HERC1: variants seen among roughly 807,000 people sequenced by gnomAD.
The protein encoded by HERC1 is HECT and RLD domain containing E3 ubiquitin protein ligase family member 1.
A neutral mutation model predicts 554.3 loss-of-function variants in HERC1; 160 were observed. The ratio of observed to expected loss-of-function variants is 0.29; its 90% confidence interval spans 0.25 to 0.33. HERC1 has a LOEUF of 0.33. Ranked by LOEUF, HERC1 falls within the 10% of genes least tolerant of loss-of-function variation. HERC1 has a pLI of 1.00. For synonymous variants in HERC1, 2,175 were observed against 2,131.7 expected (o/e 1.02, Z -0.56); for missense variants, 4,919 against 5,918.5 (o/e 0.83, Z 5.54).
Position 63,754,696 on chromosome 15 carries a change from T to C in HERC1, c.1631-48A>G, listed in dbSNP as rs527950707. ...ACAAAGAAACAACATTAACTCTTTTTCTCTAGGCCTTGACTTCACAAGTAT... is the reference window on the plus strand; with the variant it reads ...ACAAAGAAACAACATTAACTCTTTTCCTCTAGGCCTTGACTTCACAAGTAT... On this transcript the variant is annotated intron_variant, in intron 6 of 77. Transcript: ENST00000443617. 230 of 1,554,032 alleles carry C rather than the reference T, an allele frequency of 1.5e-4. 3 individuals are homozygous for C. The South Asian group carries it at 2.2e-3, about 15-fold the overall frequency.
intron 40 of HERC1, 35 bp downstream of exon 40, chr15:63,669,503 A>G: frequency 1.3e-6 from 2 of 1,599,896 alleles, no homozygotes; most frequent in Non-Finnish European, 1.7e-6. Flanking sequence ...TGGAATGCCA[A>G]CTTTGGATAT....
intron 6 of HERC1, 51 bp downstream of exon 6, chr15:63,755,178 A>T: frequency 8.0e-7 from 1 of 1,253,918 alleles, no homozygotes; most frequent in Non-Finnish European, 1.2e-6. Context: ...TCAGTAACTT[A>T]ATCATTTCTA....
At chr15:63,790,510 G>A (rs1236292959) in intron 1 of HERC1, among the ~76,000 whole-genome samples, 2 of 151,990 alleles carry the variant, frequency 1.3e-5, no homozygotes, top group Non-Finnish European at 1.5e-5. Flanking sequence ...CCAGGGAGGC[G>A]GAGCTTGCAG....
In HERC1 at chr15:63,752,862, T is replaced by G. The variant is rs750222893; in HGVS notation, c.1902+96A>C. 3 of 1,166,530 alleles carry G rather than the reference T, an allele frequency of 2.6e-6. No individual in the cohort carries two copies. The South Asian group carries it at 4.8e-5, about 19-fold the overall frequency. 72.3% of individuals were successfully genotyped at this position (1,166,530 alleles called of 1,614,324 possible). ...TTTAGCATGTTGCCTAAAAATGTAT[T>G]TATTTGAACTTTAAAATTTAAATAC... On this transcript the variant is annotated intron_variant, in intron 8 of 77. Transcript: ENST00000443617.
intron 10 of HERC1, among the ~76,000 whole-genome samples, chr15:63,748,187 C>G (rs2075124894): frequency 6.6e-6 from 1 of 152,186 alleles, no homozygotes. Flanking sequence ...GACTGTATCA[C>G]TGCACTCCAG....
chr15:63,767,012 T>C (rs1445253487), intron 2 of HERC1, among the ~76,000 whole-genome samples: 1 of 149,624 alleles, frequency 6.7e-6, no homozygotes, highest in South Asian at 2.1e-4. Flanking sequence ...CATTTGTTTT[T>C]TTTTTTTGAA....
rs558964738 is a variant in HERC1 at position 63,694,564 on chromosome 15, G to C, written c.5243-15C>G. 5.7e-5 allele frequency: 92 copies of C among 1,600,214 alleles called. No homozygotes were observed. The Middle Eastern group carries it at 6.6e-4, about 11-fold the overall frequency. On this transcript the variant is annotated splice_polypyrimidine_tract_variant and intron_variant, in intron 28 of 77. Transcript: ENST00000443617. This position sits in a 1 kb window ranked among gnomAD's most constrained non-coding sequence, Gnocchi z 4.3. ...TTGCTGGGCTTCTAAAAGACAAAGA[G>C]ACAGTTAAGAATCTTCCTTTCAGTA...
intron 12 of HERC1, among the ~76,000 whole-genome samples, chr15:63,736,316 A>G (rs1292171657): frequency 1.3e-5 from 2 of 152,198 alleles, no homozygotes; most frequent in African/African-American, 4.8e-5. Flanking sequence ...GGAATACCAA[A>G]CTAAAATTGG....
intron 74 of HERC1, among the ~76,000 whole-genome samples, chr15:63,619,778 G>C (rs985588481): frequency 1.3e-5 from 2 of 152,106 alleles, no homozygotes; most frequent in Non-Finnish European, 2.9e-5. Flanking sequence ...TAGTTTATTT[G>C]CATAGAGGTG....
chr15:63,654,677 A>AC (rs1175120761), intron 50 of HERC1, among the ~76,000 whole-genome samples: 4 of 145,038 alleles, frequency 2.8e-5, no homozygotes, highest in Non-Finnish European at 4.6e-5. Flanking sequence ...ACATGGTGAA[A>AC]CCCCCATCTC....
chr15:63,694,115 C>T lies in HERC1; in HGVS notation c.5523G>A (p.Leu1841=). Residue 1841 remains leucine, a synonymous_variant, in exon 30 of 78, where the codon TTG becomes TTA. Coordinates refer to ENST00000443617, the MANE Select transcript of HERC1 (RefSeq NM_003922.4). The surrounding 1 kb of genome is among the most constrained non-coding windows in gnomAD (Gnocchi z 4.3). ...DKLSPKVVQS[L]LDLLCSQLKN... ...TCAACTGACTACAGAGTAGATCCAA[C>T]AAGGATTGAACTACTTTGGGACTCA... 1 of 1,609,916 alleles carries T rather than the reference C, an allele frequency of 6.2e-7. No homozygotes were observed. Among genetic ancestry groups the T allele is most frequent in the South Asian group, 1.1e-5 (1 of 90,104 alleles).
In HERC1 at chr15:63,609,015, T is replaced by A; in HGVS notation, c.*66A>T. 1 of 1,407,848 alleles carries A rather than the reference T, an allele frequency of 7.1e-7. No individual in the cohort carries two copies. Among genetic ancestry groups the A allele is most frequent in the Non-Finnish European group, 9.7e-7 (1 of 1,028,488 alleles). 87.2% of individuals were successfully genotyped at this position (1,407,848 alleles called of 1,614,324 possible). ...CATCTATGTAGTTACCATAAAAGTA[T>A]ATCAACATCAAATCAGAAGTGAGCA... On this transcript the variant is annotated 3_prime_UTR_variant, in exon 78 of 78. Transcript: ENST00000443617.
chr15:63,808,768 T>C (rs893522223), intron 1 of HERC1, among the ~76,000 whole-genome samples: 7 of 152,138 alleles, frequency 4.6e-5, no homozygotes, highest in African/African-American at 1.7e-4. Context: ...AAGCAGACAC[T>C]AGATGTCAAC....
Position 63,612,586 on chromosome 15 carries a change from G to C in HERC1, c.14095-30C>G. ...TCCCGGGAGAGGTTGCTCATTCAATGAGTGTGCGTGAACCTGGCACCCACC... is the reference window on the plus strand; with the variant it reads ...TCCCGGGAGAGGTTGCTCATTCAATCAGTGTGCGTGAACCTGGCACCCACC... On this transcript the variant is annotated intron_variant, in intron 76 of 77. Coordinates refer to ENST00000443617, the MANE Select transcript of HERC1 (RefSeq NM_003922.4). The surrounding 1 kb of genome is among the most constrained non-coding windows in gnomAD (Gnocchi z 5.0). 6.3e-7 allele frequency: 1 copy of C among 1,593,646 alleles called. No individual in the cohort carries two copies. Among genetic ancestry groups the C allele is most frequent in the East Asian group, 2.2e-5 (1 of 44,730 alleles).
chr15:63,645,065 C>T lies in HERC1; in HGVS notation c.11111G>A (p.Arg3704His), dbSNP rs187677295. 4.2e-5 allele frequency: 67 copies of T among 1,613,710 alleles called. No homozygotes were observed. The highest frequency in any genetic ancestry group is 5.0e-5 in the Admixed American group (3 of 60,014). Residue 3704 changes from arginine to histidine, a missense_variant, in exon 57 of 78, where the codon CGC (arginine) becomes CAC (histidine). Physicochemically the swap from Arg to His is conservative, Grantham distance 29. Around this residue, in one of 11 missense-constraint regions of HERC1, gnomAD observed 1,963 missense variants for 2,228.6 expected, o/e 0.88. Coordinates refer to ENST00000443617, the MANE Select transcript of HERC1 (RefSeq NM_003922.4). ...GGTCTGTGTAGTATCTTGAGGAATG[C>T]GCCAAACACATACTAAGCCACTCTG... is the stretch of plus-strand genomic sequence containing the variant. ...GCQSGLVCVW[R>H]IPQDTTQTNV... is the part of the protein sequence containing the mutation.
At chr15:63,682,878 G>A (rs1182604652) in intron 34 of HERC1, among the ~76,000 whole-genome samples, 1 of 151,830 alleles carries the variant, frequency 6.6e-6, no homozygotes. Context: ...GCTCATGCCT[G>A]TTATTTCAGC....
At chr15:63,627,099 T>C (rs1366014415) in intron 70 of HERC1, among the ~76,000 whole-genome samples, 1 of 152,144 alleles carries the variant, frequency 6.6e-6, no homozygotes, top group Non-Finnish European at 1.5e-5. Flanking sequence ...CTGAAGCCAC[T>C]GAGTACCTGA....
Position 63,644,738 on chromosome 15 carries a change from A to G in HERC1, c.11184+254T>C, listed in dbSNP as rs541737506. Among the ~76,000 whole-genome samples the G allele has an allele frequency of 2.6e-5, 4 of 152,348 alleles. No individual in the cohort carries two copies. The South Asian group carries it at 6.2e-4, about 24-fold the overall frequency. ...AACAACTTATGACTCGTCTATCTGTAGTATCAATTATATCCACTATCACAG... is the reference window on the plus strand; with the variant it reads ...AACAACTTATGACTCGTCTATCTGTGGTATCAATTATATCCACTATCACAG... On this transcript the variant is annotated intron_variant, in intron 57 of 77. Coordinates refer to ENST00000443617, the MANE Select transcript of HERC1 (RefSeq NM_003922.4).
intron 40 of HERC1, among the ~76,000 whole-genome samples, chr15:63,667,139 A>G (rs2070684649): frequency 1.3e-5 from 2 of 152,206 alleles, no homozygotes; most frequent in African/African-American, 4.8e-5. Context: ...ATGTTAGTGA[A>G]TAAACAGTAT....
Sources: gnomAD v4.1 joint callset for allele counts (sites outside exome capture counted in the v4.1 genomes callset) on GRCh38, gnomAD v4.1.1 for gene constraint, gnomAD v4.1.1 regional missense constraint, Gnocchi (gnomAD v3.1) non-coding constraint, MANE v1.5 for transcripts, NCBI Gene and HGNC (gene_info 2026-07-23, HGNC 2026-07-21) for gene names.